CA5B: variants seen among roughly 807,000 people sequenced by gnomAD.
CA5B encodes the protein carbonic anhydrase 5B, mitochondrial.
CA5B carries 15 observed loss-of-function variants against 23.1 expected under a neutral mutation model. The observed-to-expected ratio is 0.65, with a 90% CI of 0.43 to 1.00. The LOEUF is 1.00. Among genes scored for constraint, CA5B ranks in the 50% least tolerant of loss-of-function variants. CA5B has a pLI of 0.00. For missense variants in CA5B, 236 were observed against 252.2 expected (o/e 0.94, Z 0.43); for synonymous variants, 84 against 98.5 (o/e 0.85, Z 0.87).
At position 15,782,493 on chromosome X, in the gene CA5B, A is replaced by G. The variant is rs748193125; in HGVS notation, c.783A>G (p.Gln261=). 6 of 1,208,316 alleles carry G rather than the reference A, an allele frequency of 5.0e-6. No individual in the cohort carries two copies. In the African/African-American group the frequency reaches 8.7e-5, roughly 18 times the overall value. ...TCTGTTTCTATTTCTAGCTTGAGCA[A>G]TTTCGGACCCTGCTTTTCACTTCCG... ...PVEVDHDQLE[Q]FRTLLFTSEG... The change falls in exon 8 of 8, where the codon CAA becomes CAG. Residue 261 remains glutamine (Q), a synonymous_variant. Transcript: ENST00000318636.
In CA5B at chrX:15,780,866, G is replaced by C. The variant is rs371741073; in HGVS notation, c.775-1619G>C. 6.2e-5 allele frequency among the ~76,000 whole-genome samples: 7 copies of C among 112,269 alleles called. No homozygotes were observed. In the East Asian group the frequency reaches 1.1e-3, roughly 18 times the overall value. On this transcript the variant is annotated intron_variant, in intron 7 of 7. Transcript: ENST00000318636. ...AAGTCTTTGTTGCAAATGACTCTTC[G>C]CTTGCTTGTCTACTGTGCCCCAGGC...
At position 15,761,058 on chromosome X, in the gene CA5B, C is replaced by G. The variant is rs145432050; in HGVS notation, c.143-3520C>G. Reference sequence around the variant, plus strand: ...ATCTTTCCCTCTAAGATGAAAAATACGGTATATTATATGTTATTGGATAAA... The same window carrying G: ...ATCTTTCCCTCTAAGATGAAAAATAGGGTATATTATATGTTATTGGATAAA... On this transcript the variant is annotated intron_variant, in intron 2 of 7. Transcript: ENST00000318636. Among the ~76,000 whole-genome samples, 4 of 111,323 alleles carry G rather than the reference C, an allele frequency of 3.6e-5. No individual in the cohort carries two copies. In the South Asian group the frequency reaches 1.5e-3, roughly 41 times the overall value.
chrX:15,753,891 CAA>C (rs1931436823), intron 2 of CA5B, among the ~76,000 whole-genome samples: 1 of 110,797 alleles, frequency 9.0e-6, no homozygotes, highest in African/African-American at 3.4e-5. Flanking sequence ...GCCTGGGCGA[CAA>C]GAGCGAAATT....
chrX:15,760,394 G>A (rs1356459960), intron 2 of CA5B, among the ~76,000 whole-genome samples: 1 of 111,419 alleles, frequency 9.0e-6, no homozygotes, highest in African/African-American at 3.3e-5. Flanking sequence ...AACCTAGATG[G>A]TCTAGTTTAG....
intron 2 of CA5B, among the ~76,000 whole-genome samples, chrX:15,761,875 GA>G (rs1277933103): frequency 1.8e-5 from 2 of 111,943 alleles, no homozygotes; most frequent in East Asian, 5.6e-4. Context: ...TTTCTCTGTT[GA>G]AAACCACTGA....
At chrX:15,747,904 G>A (rs1931269535) in intron 1 of CA5B, among the ~76,000 whole-genome samples, 1 of 111,010 alleles carries the variant, frequency 9.0e-6, no homozygotes, top group Admixed American at 9.5e-5. Context: ...AAAGGAGAGA[G>A]GAGAGCAGCT....
At chrX:15,773,576 AT>A (rs1216193696) in intron 4 of CA5B, among the ~76,000 whole-genome samples, 3 of 109,003 alleles carry the variant, frequency 2.8e-5, no homozygotes, top group Admixed American at 9.9e-5. Flanking sequence ...CGCCCAGCTA[AT>A]TTTTTGTATT....
In CA5B at chrX:15,762,582, C is replaced by T. The variant is rs1046876487; in HGVS notation, c.143-1996C>T. Among the ~76,000 whole-genome samples the T allele has an allele frequency of 2.7e-5, 3 of 110,001 alleles. No homozygotes were observed. In the East Asian group the frequency reaches 8.7e-4, roughly 32 times the overall value. ...TCAGCCTCCCAAGTAGCTGGGACTA[C>T]AGGCGTGTGCCACCACACCCGGCTA... is the stretch of plus-strand genomic sequence containing the variant. On this transcript the variant is annotated intron_variant, in intron 2 of 7. Transcript: ENST00000318636.
At chrX:15,748,956 G>A (rs980641935) in intron 1 of CA5B, among the ~76,000 whole-genome samples, 2 of 111,551 alleles carry the variant, frequency 1.8e-5, no homozygotes, top group Non-Finnish European at 1.9e-5. Flanking sequence ...TGAAGCCCAC[G>A]TAGCTGGTGG....
At chrX:15,773,108 A>C (rs113872929) in intron 4 of CA5B, among the ~76,000 whole-genome samples, 104 of 112,081 alleles carry the variant, frequency 9.3e-4, no homozygotes, top group African/African-American at 3.2e-3. Flanking sequence ...TAATGCACTC[A>C]TAACTGATGA....
chrX:15,773,585 A>G (rs974945074), intron 4 of CA5B, among the ~76,000 whole-genome samples: 3 of 109,005 alleles, frequency 2.8e-5, no homozygotes, highest in Non-Finnish European at 5.7e-5. Flanking sequence ...AATTTTTTGT[A>G]TTTTTAGTAG....
intron 3 of CA5B, 89 bp downstream of exon 3, chrX:15,764,864 T>C: frequency 1.0e-6 from 1 of 970,879 alleles, no homozygotes. Context: ...CATGATAGTA[T>C]TGACCTCTTT....
intron 2 of CA5B, 190 bp downstream of exon 2, chrX:15,750,355 G>A: frequency 2.6e-6 from 1 of 387,227 alleles, no homozygotes. Flanking sequence ...TCCAGTGTAG[G>A]ATTATATGCC....
At chrX:15,779,449 C>A (rs1483837419) in intron 7 of CA5B, among the ~76,000 whole-genome samples, 3 of 111,771 alleles carry the variant, frequency 2.7e-5, no homozygotes. Flanking sequence ...ATCCCATGAC[C>A]CAATCAAGTT....
At chrX:15,747,475 G>C (rs1349579902) in intron 1 of CA5B, among the ~76,000 whole-genome samples, 2 of 109,491 alleles carry the variant, frequency 1.8e-5, no homozygotes, top group Non-Finnish European at 3.8e-5. Flanking sequence ...TAGGATGTCT[G>C]GGAATTTGCT....
rs779620273 is a variant in CA5B, at chrX:15,774,425, C to T, written c.555+28C>T. ...AAAATATCTCACCAACTTTAAATGA[C>T]GTGTTGTATTCTAGGATGAAAAGAT... On this transcript the variant is annotated intron_variant, in intron 5 of 7. Transcript: ENST00000318636. 14 of 827,648 alleles carry T rather than the reference C, an allele frequency of 1.7e-5. 1 individual carries two copies. The highest frequency in any genetic ancestry group is 1.3e-4 in the South Asian group (6 of 45,896). The allele number at this position is 827,648 out of a possible 1,213,427, so 68.2% of individuals were successfully genotyped here.
intron 3 of CA5B, among the ~76,000 whole-genome samples, chrX:15,771,160 G>T (rs1456254776): frequency 2.2e-5 from 2 of 90,100 alleles, no homozygotes; most frequent in Non-Finnish European, 4.3e-5. Flanking sequence ...TTGAGCTCAG[G>T]AGTTCAAGAC....
At chrX:15,752,174 C>T (rs181473139) in intron 2 of CA5B, among the ~76,000 whole-genome samples, 125 of 108,894 alleles carry the variant, frequency 1.1e-3, no homozygotes, top group African/African-American at 3.5e-3. Context: ...ATTGTGAGGA[C>T]GAAACTCTGA....
chrX:15,745,537 A>G (rs1316802078), intron 1 of CA5B: 1 of 112,718 alleles, frequency 8.9e-6, no homozygotes, highest in East Asian at 2.8e-4. Flanking sequence ...TTAAAAGGTA[A>G]CAAAAAAAGA....
Sources: gnomAD v4.1 joint callset for allele counts (sites outside exome capture counted in the v4.1 genomes callset) on GRCh38, gnomAD v4.1.1 for gene constraint, MANE v1.5 for transcripts, NCBI Gene and HGNC (gene_info 2026-07-23, HGNC 2026-07-21) for gene names.